Variants in COX6C observed in about 807,000 individuals in gnomAD.
The protein encoded by COX6C is cytochrome c oxidase polypeptide VIc.
COX6C carries 3 observed loss-of-function variants against 6.9 expected under a neutral mutation model. The observed-to-expected ratio is 0.43, with a 90% CI of 0.20 to 1.12. COX6C has a LOEUF of 1.12. Ranked by LOEUF, COX6C falls within the 50% of genes most tolerant of loss-of-function variation. COX6C has a pLI of 0.27. For synonymous variants in COX6C, 32 were observed against 32.0 expected (o/e 1.00, Z 0.00); for missense variants, 101 against 97.3 (o/e 1.04, Z -0.16).
chr8:99,892,436 G>C (rs2131013083), intron 1 of COX6C, among the ~76,000 whole-genome samples: 1 of 152,226 alleles, frequency 6.6e-6, no homozygotes, highest in Middle Eastern at 3.4e-3. Context: ...TTGAGACATG[G>C]GTGAGGGGCG....
At chr8:99,887,440 T>G in intron 3 of COX6C, 50 bp downstream of exon 3, 1 of 1,127,808 alleles carries the variant, frequency 8.9e-7, no homozygotes, top group Non-Finnish European at 1.2e-6. Context: ...TATTTGCATT[T>G]TACCACAATT....
At position 99,892,048 on chromosome 8, in the gene COX6C, C is replaced by G. The variant is rs1375251198; in HGVS notation, c.-27G>C. Reference sequence around the variant, plus strand: ...GTAGTTACTGTCCTTGATACGTATGCTAACCTTAAGAGATTCAGAAAATAT... The same window carrying G: ...GTAGTTACTGTCCTTGATACGTATGGTAACCTTAAGAGATTCAGAAAATAT... On this transcript the variant is annotated 5_prime_UTR_variant, in exon 2 of 4. Coordinates refer to ENST00000520468, the MANE Select transcript of COX6C (RefSeq NM_004374.4). 1 of 1,541,002 alleles carries G rather than the reference C, an allele frequency of 6.5e-7. No homozygotes were observed.
chr8:99,892,778 A>G (rs891537730), intron 1 of COX6C, among the ~76,000 whole-genome samples: 26 of 152,138 alleles, frequency 1.7e-4, no homozygotes, highest in Non-Finnish European at 3.2e-4. Flanking sequence ...TCTTTCCAAC[A>G]ACAAGAAAAA....
chr8:99,880,378 G>A (rs1208147989), intron 3 of COX6C, among the ~76,000 whole-genome samples: 2 of 152,116 alleles, frequency 1.3e-5, no homozygotes, highest in East Asian at 1.9e-4. Context: ...GGACAACTAA[G>A]CAAAATTAGA....
chr8:99,888,776 G>T (rs936830340), intron 2 of COX6C, among the ~76,000 whole-genome samples: 2 of 152,230 alleles, frequency 1.3e-5, no homozygotes, highest in African/African-American at 4.8e-5. Context: ...CCACGACCCT[G>T]AGGGAGAGCT....
At chr8:99,886,872 T>C (rs777411032) in intron 3 of COX6C, among the ~76,000 whole-genome samples, 5 of 152,164 alleles carry the variant, frequency 3.3e-5, no homozygotes, top group Non-Finnish European at 7.4e-5. Context: ...TTAATGGATA[T>C]AGGGTTTCAA....
chr8:99,890,543 T>C (rs565438660), intron 2 of COX6C, among the ~76,000 whole-genome samples: 2 of 152,314 alleles, frequency 1.3e-5, no homozygotes, highest in East Asian at 3.9e-4. Flanking sequence ...GTCCTTTTAA[T>C]AACCTATTTG....
At chr8:99,891,322 A>G (rs375687752) in intron 2 of COX6C, among the ~76,000 whole-genome samples, 4 of 152,290 alleles carry the variant, frequency 2.6e-5, no homozygotes, top group African/African-American at 9.6e-5. Context: ...AGGCCAAGGC[A>G]GGTGAATCCC....
At chr8:99,889,718 C>T (rs115636516) in intron 2 of COX6C, among the ~76,000 whole-genome samples, 2,514 of 152,074 alleles carry the variant, frequency 0.017, 79 homozygotes, top group African/African-American at 0.058. Context: ...ACACCTCTGC[C>T]TCCCAGGCTA....
At chr8:99,883,864 T>C (rs1177974402) in intron 3 of COX6C, among the ~76,000 whole-genome samples, 5 of 152,102 alleles carry the variant, frequency 3.3e-5, no homozygotes, top group Non-Finnish European at 5.9e-5. Context: ...GTTCAACATA[T>C]GCAAATCAAT....
At chr8:99,883,711 A>G (rs1817903315) in intron 3 of COX6C, among the ~76,000 whole-genome samples, 1 of 152,100 alleles carries the variant, frequency 6.6e-6, no homozygotes, top group South Asian at 2.1e-4. Flanking sequence ...TATCAAAGAC[A>G]AACACACGAG....
intron 2 of COX6C, among the ~76,000 whole-genome samples, chr8:99,888,523 G>C (rs567147560): frequency 6.6e-6 from 1 of 152,162 alleles, no homozygotes; most frequent in African/African-American, 2.4e-5. Flanking sequence ...GCAGTGAGCC[G>C]AGATGGTGAC....
Position 99,887,984 on chromosome 8 carries a change from G to A in COX6C, c.115-366C>T, listed in dbSNP as rs559818127. On this transcript the variant is annotated intron_variant, in intron 2 of 3. Transcript: ENST00000520468. Reference sequence around the variant, plus strand: ...GTCTCGCCTGTAGTCCCAGCTACTCGGGAGGCTGAGGCAGGAGAATGGCGT... The same window carrying A: ...GTCTCGCCTGTAGTCCCAGCTACTCAGGAGGCTGAGGCAGGAGAATGGCGT... Among the ~76,000 whole-genome samples, 380 of 151,450 alleles carry A rather than the reference G, an allele frequency of 2.5e-3. 3 individuals carry two copies. Among genetic ancestry groups the A allele is most frequent in the African/African-American group, 8.8e-3 (364 of 41,328 alleles).
intron 1 of COX6C, among the ~76,000 whole-genome samples, chr8:99,892,835 T>C (rs548673816): frequency 1.3e-5 from 2 of 152,350 alleles, no homozygotes; most frequent in Non-Finnish European, 2.9e-5. Flanking sequence ...AACCCATTTA[T>C]GCAACACTTT....
At chr8:99,893,491 G>A (rs1348939362) in intron 1 of COX6C, 148 bp downstream of exon 1, 2 of 152,322 alleles carry the variant, frequency 1.3e-5, no homozygotes, top group Non-Finnish European at 2.9e-5. Context: ...CAGCGGAAGC[G>A]TGAGAGAGTA....
intron 2 of COX6C, 74 bp from the exon 3 acceptor site, chr8:99,887,692 G>A (rs1817966025): frequency 4.0e-6 from 4 of 1,008,662 alleles, no homozygotes; most frequent in Admixed American, 5.7e-5. Flanking sequence ...AATATATAAA[G>A]ACAAGGTAGA....
At chr8:99,890,058 C>T (rs1818010736) in intron 2 of COX6C, among the ~76,000 whole-genome samples, 1 of 151,614 alleles carries the variant, frequency 6.6e-6, no homozygotes, top group South Asian at 2.1e-4. Flanking sequence ...CACGCCACTG[C>T]ACTCCAGCAT....
chr8:99,883,429 ATG>A (rs34907198), intron 3 of COX6C, among the ~76,000 whole-genome samples: 2 of 145,784 alleles, frequency 1.4e-5, no homozygotes, highest in African/African-American at 5.3e-5. Context: ...GTGTGTATAT[ATG>A]TATGTGTGTG....
At chr8:99,885,473 A>G (rs1817931378) in intron 3 of COX6C, among the ~76,000 whole-genome samples, 1 of 152,228 alleles carries the variant, frequency 6.6e-6, no homozygotes, top group African/African-American at 2.4e-5. Context: ...GAAGACAGAC[A>G]TACAGACTAA....
Sources: gnomAD v4.1 joint callset for allele counts (sites outside exome capture counted in the v4.1 genomes callset) on GRCh38, gnomAD v4.1.1 for gene constraint, MANE v1.5 for transcripts, NCBI Gene and HGNC (gene_info 2026-07-23, HGNC 2026-07-21) for gene names.